The following SAMD8 variants were observed in gnomAD, a reference collection of about 807,000 sequenced individuals.
SAMD8 encodes sphingomyelin synthase-related protein 1.
SAMD8 carries 20 observed loss-of-function variants against 42.0 expected under a neutral mutation model. The ratio of observed to expected loss-of-function variants is 0.48; its 90% CI spans 0.34 to 0.69. The LOEUF is 0.69. Ranked by LOEUF, SAMD8 falls within the 30% of genes least tolerant of loss-of-function variation. The pLI, the probability that SAMD8 is intolerant of heterozygous loss-of-function variation, is 0.01. For synonymous variants in SAMD8, 162 were observed against 173.0 expected, an observed-to-expected ratio of 0.94 and a Z score of 0.50; for missense variants, 328 against 511.6, an observed-to-expected ratio of 0.64 and a Z score of 3.46.
intron 4 of SAMD8, among the ~76,000 whole-genome samples, chr10:75,169,213 G>A (rs1342881230): frequency 3.4e-5 from 5 of 145,560 alleles, no homozygotes; most frequent in Non-Finnish European, 4.5e-5. Flanking sequence ...TTGGCCGGGC[G>A]CAGTGGCTCA....
intron 1 of SAMD8, among the ~76,000 whole-genome samples, chr10:75,100,572 T>A (rs374697948): frequency 3.0e-4 from 46 of 152,228 alleles, no homozygotes; most frequent in African/African-American, 1.0e-3. Flanking sequence ...CCCAGCTGGG[T>A]GAAGCACAGG....
At chr10:75,149,483 A>C (rs190121418) in intron 1 of SAMD8, among the ~76,000 whole-genome samples, 1 of 152,210 alleles carries the variant, frequency 6.6e-6, no homozygotes, top group African/African-American at 2.4e-5. Context: ...TCAGTTCTAT[A>C]ATGTAATATT....
intron 1 of SAMD8, among the ~76,000 whole-genome samples, chr10:75,117,726 A>G (rs1848919267): frequency 6.6e-6 from 1 of 152,212 alleles, no homozygotes; most frequent in Non-Finnish European, 1.5e-5. Context: ...TCAAACAAAC[A>G]AACAAACAAA....
At chr10:75,100,058 T>C (rs1848052417) in intron 1 of SAMD8, among the ~76,000 whole-genome samples, 1 of 151,906 alleles carries the variant, frequency 6.6e-6, no homozygotes, top group Non-Finnish European at 1.5e-5. Flanking sequence ...AGATGGGGCT[T>C]TGGGAAGTGG....
At chr10:75,102,040 T>C (rs933007020) in intron 1 of SAMD8, 6 of 1,107,084 alleles carry the variant, frequency 5.4e-6, no homozygotes, top group African/African-American at 1.6e-5. Flanking sequence ...TCCCAACTTG[T>C]CCACTGGTTC....
At chr10:75,101,802 C>G in intron 1 of SAMD8, 1 of 834,052 alleles carries the variant, frequency 1.2e-6, no homozygotes, top group Non-Finnish European at 1.8e-6. Flanking sequence ...AGTGTCCTGG[C>G]CCTCATTACC....
chr10:75,122,525 A>G (rs1849027324), intron 1 of SAMD8, among the ~76,000 whole-genome samples: 1 of 151,954 alleles, frequency 6.6e-6, no homozygotes, highest in Non-Finnish European at 1.5e-5. Flanking sequence ...AGGCATGAGA[A>G]TCACTTGAAC....
At chr10:75,103,595 C>T (rs1244637971) in intron 1 of SAMD8, among the ~76,000 whole-genome samples, 1 of 152,224 alleles carries the variant, frequency 6.6e-6, no homozygotes, top group Non-Finnish European at 1.5e-5. Flanking sequence ...CTTTGTCATA[C>T]ACACATACCT....
intron 2 of SAMD8, among the ~76,000 whole-genome samples, chr10:75,151,698 A>C (rs1840290622): frequency 7.0e-6 from 1 of 142,154 alleles, no homozygotes; most frequent in African/African-American, 2.6e-5. Flanking sequence ...GGTACTTTAG[A>C]TTTTTTGAGA....
At chr10:75,156,777 T>G (rs1840419476) in intron 2 of SAMD8, among the ~76,000 whole-genome samples, 1 of 151,982 alleles carries the variant, frequency 6.6e-6, no homozygotes, top group Non-Finnish European at 1.5e-5. Context: ...GGGGGAAATG[T>G]AAGGGAAATT....
Position 75,169,971 on chromosome 10 carries a change from A to G in SAMD8, c.792+1313A>G, listed in dbSNP as rs542176156. Among the ~76,000 whole-genome samples, 24 of 152,320 alleles carry G rather than the reference A, an allele frequency of 1.6e-4. 1 individual carries two copies. In the South Asian group the frequency reaches 4.8e-3, roughly 30 times the overall value. ...AGTTTGACGACATACTCAGCACTCT[A>G]AACTTTACTCTTTCTGAGATAAACA... On this transcript the variant is annotated intron_variant, in intron 4 of 5. Coordinates refer to ENST00000542569, the MANE Select transcript of SAMD8 (RefSeq NM_001174156.2).
chr10:75,100,756 G>A (rs1193618677), intron 1 of SAMD8, among the ~76,000 whole-genome samples: 3 of 152,200 alleles, frequency 2.0e-5, no homozygotes, highest in African/African-American at 7.2e-5. Context: ...GCTGCTGTTT[G>A]CAAGTCCATG....
upstream of SAMD8, chr10:75,107,887 A>AT (rs1848612479): frequency 7.4e-7 from 1 of 1,349,480 alleles, no homozygotes; most frequent in East Asian, 2.5e-5. Context: ...TAAGCAGAGG[A>AT]TTTTTAAAAA....
chr10:75,175,995 T>C (rs776632944), intron 4 of SAMD8, 71 bp from the exon 5 acceptor site: 65 of 1,540,690 alleles, frequency 4.2e-5, no homozygotes, highest in Admixed American at 1.5e-4. Context: ...TGAATTTCAA[T>C]AGGAATGGAT....
At chr10:75,100,026 G>A (rs956741896) in intron 1 of SAMD8, among the ~76,000 whole-genome samples, 2 of 152,108 alleles carry the variant, frequency 1.3e-5, no homozygotes, top group African/African-American at 4.8e-5. Context: ...CCATCAGGTG[G>A]GGCTGCACCA....
At position 75,118,639 on chromosome 10, in the gene SAMD8, G is replaced by A. The variant is rs369406869; in HGVS notation, c.-16+6917G>A. Reference sequence around the variant, plus strand: ...AGCCTGGGCGACAGAGCAAGACTCCGTCTCAAAAAAGAAAAAGAAAAATAT... The same window carrying A: ...AGCCTGGGCGACAGAGCAAGACTCCATCTCAAAAAAGAAAAAGAAAAATAT... On this transcript the variant is annotated intron_variant, in intron 1 of 5. Transcript: ENST00000542569. 5.3e-5 allele frequency among the ~76,000 whole-genome samples: 8 copies of A among 152,076 alleles called. No individual in the cohort carries two copies. In the South Asian group the frequency reaches 8.3e-4, roughly 16 times the overall value.
chr10:75,105,706 C>T, intron 1 of SAMD8: 10 of 1,552,230 alleles, frequency 6.4e-6, no homozygotes, highest in Non-Finnish European at 7.8e-6. Flanking sequence ...CTGGTCCAGC[C>T]TGCAGAGCTG....
rs892302624 is a variant in SAMD8, at chr10:75,148,499, G to T, written c.-15-2015G>T. 5.3e-5 allele frequency among the ~76,000 whole-genome samples: 8 copies of T among 151,878 alleles called. No individual in the cohort carries two copies. The East Asian group carries it at 1.5e-3, about 29-fold the overall frequency. On this transcript the variant is annotated intron_variant, in intron 1 of 5. Transcript: ENST00000542569. ...CTCCCAAGTAGCTGGGACTACAGGC[G>T]CACGCTGCCATGCCCGGCTAATTTT... is the stretch of plus-strand genomic sequence containing the variant.
At chr10:75,172,632 G>C (rs1840896850) in intron 4 of SAMD8, among the ~76,000 whole-genome samples, 1 of 151,982 alleles carries the variant, frequency 6.6e-6, no homozygotes, top group Admixed American at 6.6e-5. Flanking sequence ...CAAGTAACTG[G>C]GATCACAGGC....
Sources: allele counts gnomAD v4.1 joint callset (sites outside exome capture counted in the v4.1 genomes callset), GRCh38; gene constraint gnomAD v4.1.1; transcripts MANE v1.5; gene names NCBI Gene and HGNC (gene_info 2026-07-23, HGNC 2026-07-21).